Variants in MYO15A observed in about 807,000 individuals in gnomAD.
MYO15A encodes unconventional myosin-XV.
A neutral mutation model predicts 394.6 loss-of-function variants in MYO15A; 308 were observed. The ratio of observed to expected loss-of-function variants is 0.78; its 90% CI spans 0.71 to 0.86. The LOEUF is 0.86. Ranked by LOEUF, MYO15A falls within the 40% of genes least tolerant of loss-of-function variation. The pLI, the probability that MYO15A is intolerant of heterozygous loss-of-function variation, is 0.00. For missense variants in MYO15A, 4,606 were observed against 4,799.1 expected, an observed-to-expected ratio of 0.96 and a Z score of 1.19; for synonymous variants, 1,957 against 2,003.8, an observed-to-expected ratio of 0.98 and a Z score of 0.62.
chr17:18,167,550 G>C, intron 61 of MYO15A, 40 bp from the exon 62 acceptor site: 2 of 1,599,646 alleles, frequency 1.3e-6, no homozygotes, highest in Non-Finnish European at 1.7e-6. Context: ...GCCTGCACGC[G>C]TGCCTGCCTG....
chr17:18,171,844 G>A, intron 63 of MYO15A, 73 bp downstream of exon 63: 2 of 1,550,016 alleles, frequency 1.3e-6, no homozygotes, highest in Admixed American at 1.9e-5. Flanking sequence ...GGATGGGTAT[G>A]GAGGCACCTC....
intron 57 of MYO15A, 148 bp downstream of exon 57, chr17:18,161,595 T>C: frequency 7.7e-7 from 1 of 1,293,648 alleles, no homozygotes; most frequent in Non-Finnish European, 1.1e-6. Flanking sequence ...CCCAAACATT[T>C]GTTAAGGTTT....
At chr17:18,163,616 G>A in intron 59 of MYO15A, 126 bp from the exon 60 acceptor site, 2 of 879,782 alleles carry the variant, frequency 2.3e-6, no homozygotes, top group Non-Finnish European at 3.7e-6. Flanking sequence ...AGACCTCAGA[G>A]GATTGTGCGC....
chr17:18,133,101 G>A, intron 11 of MYO15A, 124 bp from the exon 12 acceptor site: 1 of 954,684 alleles, frequency 1.0e-6, no homozygotes, highest in Admixed American at 2.0e-5. Flanking sequence ...GTGCCCATGA[G>A]AGTGAAATGA....
At position 18,150,632 on chromosome 17, in the gene MYO15A, GGGGCTGAGAGGACAGGGAGGA is replaced by G; in HGVS notation, c.7328-61_7328-41del. Reference sequence around the variant, plus strand: ...GAATGGAGGCAGCCACAGCATGATGGGGGCTGAGAGGACAGGGAGGAGGGCATCTCCGGTGCCATCTGTGCC... The same window carrying G: ...GAATGGAGGCAGCCACAGCATGATGGGGGCATCTCCGGTGCCATCTGTGCC... On this transcript the variant is annotated intron_variant, in intron 36 of 65. Transcript: ENST00000647165. The surrounding 1 kb of genome is among the most constrained non-coding windows in gnomAD (Gnocchi z 4.4). 1 of 1,605,116 alleles carries G rather than the reference GGGGCTGAGAGGACAGGGAGGA, an allele frequency of 6.2e-7. No individual in the cohort carries two copies. The highest frequency in any genetic ancestry group is 8.5e-7 in the Non-Finnish European group (1 of 1,174,848).
Position 18,150,789 on chromosome 17 carries a change from G to A in MYO15A, c.7395+24G>A, listed in dbSNP as rs763259899. On this transcript the variant is annotated intron_variant, in intron 37 of 65. Transcript: ENST00000647165. This position sits in a 1 kb window ranked among gnomAD's most constrained non-coding sequence, Gnocchi z 4.4. ...TGGTGAGTGAGGGAGGGACTGCTGG[G>A]GGGTGGAGAATGGACCTGCCTGGTC... The A allele has an allele frequency of 4.4e-6, 7 of 1,582,058 alleles. No individual in the cohort carries two copies. The highest frequency in any genetic ancestry group is 3.4e-5 in the South Asian group (3 of 87,018).
chr17:18,151,088 C>T, intron 38 of MYO15A, 22 bp from the exon 39 acceptor site: 1 of 1,613,578 alleles, frequency 6.2e-7, no homozygotes, highest in Non-Finnish European at 8.5e-7. Flanking sequence ...GGCAGCCCAC[C>T]CTCACGTCCT....
rs928375889 is a variant in MYO15A, at chr17:18,151,134, C to T, written c.7498C>T (p.Pro2500Ser). Residue 2500 changes from proline to serine, a missense_variant, in exon 39 of 66, where the codon CCG becomes TCG. Coordinates refer to ENST00000647165, the MANE Select transcript of MYO15A (RefSeq NM_016239.4). Reference protein sequence around the residue: ...AEKPPAPEAQPTSVGTGPPAK... With the variant: ...AEKPPAPEAQSTSVGTGPPAK... ...GAAACCCCCAGCACCAGAGGCACAG[C>T]CGACGTCTGTAGGCACCGGTCCCCC... is the stretch of plus-strand genomic sequence containing the variant. 2 of 1,613,988 alleles carry T rather than the reference C, an allele frequency of 1.2e-6. No homozygotes were observed. The highest frequency in any genetic ancestry group is 1.7e-6 in the Non-Finnish European group (2 of 1,180,020).
intron 60 of MYO15A, chr17:18,164,168 A>G: frequency 2.6e-6 from 1 of 390,932 alleles, no homozygotes; most frequent in Non-Finnish European, 4.9e-6. Flanking sequence ...AGCGCCGCAT[A>G]TTATGGAACC....
At chr17:18,163,861 A>G (rs1384053291) in intron 60 of MYO15A, 23 bp downstream of exon 60, 3 of 1,608,412 alleles carry the variant, frequency 1.9e-6, no homozygotes, top group Admixed American at 3.4e-5. Flanking sequence ...AAGACTGAGC[A>G]TGCTGGGCCC....
chr17:18,151,821 C>T, intron 40 of MYO15A, 25 bp from the exon 41 acceptor site: 1 of 1,557,744 alleles, frequency 6.4e-7, no homozygotes, highest in Non-Finnish European at 8.7e-7. Flanking sequence ...AGTGTCAACC[C>T]ACCACAGTAC....
At chr17:18,171,500 AG>A in intron 62 of MYO15A, 137 bp from the exon 63 acceptor site, 1 of 1,326,980 alleles carries the variant, frequency 7.5e-7, no homozygotes, top group Non-Finnish European at 1.1e-6. Flanking sequence ...CCCCACTTTC[AG>A]CCCATTTACA....
Position 18,135,707 on chromosome 17 carries a change from A to G in MYO15A, c.4483-4A>G, listed in dbSNP as rs2046253527. ...AAGCACATTCCTGTTGGTATTTTGC[A>G]TAGACGGATGCACAGGAGGTGGCCT... On this transcript the variant is annotated splice_polypyrimidine_tract_variant and splice_region_variant and intron_variant, in intron 12 of 65. Transcript: ENST00000647165. The G allele has an allele frequency of 5.6e-6, 9 of 1,613,800 alleles. No individual in the cohort carries two copies. The highest frequency in any genetic ancestry group is 7.6e-6 in the Non-Finnish European group (9 of 1,179,706).
intron 65 of MYO15A, among the ~76,000 whole-genome samples, chr17:18,174,595 G>T (rs2046987986): frequency 6.6e-6 from 1 of 152,222 alleles, no homozygotes; most frequent in Non-Finnish European, 1.5e-5. Context: ...GGGTGACAAA[G>T]TGAGACCCCA....
rs1391256131 is a variant in MYO15A, at chr17:18,147,077, G to A, written c.6510-952G>A. On this transcript the variant is annotated intron_variant, in intron 30 of 65. Coordinates refer to ENST00000647165, the MANE Select transcript of MYO15A (RefSeq NM_016239.4). The surrounding 1 kb of genome is among the most constrained non-coding windows in gnomAD (Gnocchi z 4.4). ...CATCACAATGATGTCACCCTGCTGG[G>A]TGAGAAGGATGATTTGCAAGGAAAT... Among the ~76,000 whole-genome samples the A allele has an allele frequency of 6.6e-6, 1 of 152,236 alleles. No homozygotes were observed.
intron 61 of MYO15A, 79 bp downstream of exon 61, chr17:18,166,600 G>C (rs1371634188): frequency 6.4e-7 from 1 of 1,564,884 alleles, no homozygotes; most frequent in Non-Finnish European, 8.7e-7. Flanking sequence ...CACAGCCTTG[G>C]TGTTTGAAGT....
At chr17:18,161,508 C>CAGCT (rs2046777609) in intron 57 of MYO15A, 61 bp downstream of exon 57, 6 of 1,605,640 alleles carry the variant, frequency 3.7e-6, no homozygotes, top group Non-Finnish European at 4.2e-6. Flanking sequence ...ACTGGGTGGA[C>CAGCT]AGCTGGTGGG....
At chr17:18,159,720 C>CT (rs771615204) in intron 55 of MYO15A, 41 bp downstream of exon 55, 285 of 1,604,222 alleles carry the variant, frequency 1.8e-4, no homozygotes, top group Non-Finnish European at 3.0e-5. Context: ...CTTTCCTGCT[C>CT]TGTGGTTCAG....
intron 65 of MYO15A, among the ~76,000 whole-genome samples, chr17:18,175,292 C>CTTTTTT (rs1182500584): frequency 6.6e-5 from 6 of 91,288 alleles, no homozygotes; most frequent in African/African-American, 1.3e-4. Context: ...TCTAGACTAT[C>CTTTTTT]TTTTTTTTTT....
Sources: gnomAD v4.1 joint callset for allele counts (sites outside exome capture counted in the v4.1 genomes callset) on GRCh38, gnomAD v4.1.1 for gene constraint, Gnocchi (gnomAD v3.1) non-coding constraint, MANE v1.5 for transcripts, NCBI Gene and HGNC (gene_info 2026-07-23, HGNC 2026-07-21) for gene names.